Variants in SLC4A4 observed in about 807,000 individuals in gnomAD.
SLC4A4 encodes solute carrier family 4 member 4, also known as electrogenic sodium bicarbonate cotransporter 1.
SLC4A4 carries 27 observed loss-of-function variants against 111.5 expected under a neutral mutation model. The observed-to-expected ratio is 0.24, with a 90% confidence interval of 0.18 to 0.33. SLC4A4 has a LOEUF of 0.33. Among genes scored for constraint, SLC4A4 ranks in the 10% least tolerant of loss-of-function variants. The probability of loss-of-function intolerance (pLI) is 1.00; values close to 1 mark genes in which losing one functional copy is unlikely to be tolerated. For synonymous variants in SLC4A4, 443 were observed against 463.4 expected, an observed-to-expected ratio of 0.96 and a Z score of 0.57; for missense variants, 909 against 1,315.5, an observed-to-expected ratio of 0.69 and a Z score of 4.78.
chr4:71,342,276 T>C (rs1410612032), intron 4 of SLC4A4, among the ~76,000 whole-genome samples: 4 of 152,194 alleles, frequency 2.6e-5, no homozygotes, highest in Non-Finnish European at 5.9e-5. Flanking sequence ...TAAAACATCC[T>C]CCAAAAGAAG....
chr4:71,569,553 G>A lies in SLC4A4; in HGVS notation c.*1802G>A, dbSNP rs372914933. 6.6e-6 allele frequency: 1 copy of A among 151,500 alleles called. No homozygotes were observed. The highest frequency in any genetic ancestry group is 1.9e-4 in the East Asian group (1 of 5,144). The allele number at this position is 151,500 out of a possible 1,614,324, so 9.4% of individuals were successfully genotyped here. ...TTTTTAATATGATACATTACATATT[G>A]TGAATGTATACTAAAAAAACATTTT... On this transcript the variant is annotated 3_prime_UTR_variant, in exon 26 of 26. Transcript: ENST00000264485.
At chr4:71,152,837 A>G (rs1387242446) in intron 2 of SLC4A4, among the ~76,000 whole-genome samples, 1 of 151,632 alleles carries the variant, frequency 6.6e-6, no homozygotes, top group African/African-American at 2.4e-5. Flanking sequence ...TCTATACTGC[A>G]TAATACTCTC....
intron 1 of SLC4A4, among the ~76,000 whole-genome samples, chr4:71,230,142 A>C (rs1269858386): frequency 6.6e-6 from 1 of 152,220 alleles, no homozygotes; most frequent in Non-Finnish European, 1.5e-5. Context: ...ACATGATTTG[A>C]ATAGGGAATA....
At chr4:71,198,693 C>T (rs1327092269) in intron 1 of SLC4A4, among the ~76,000 whole-genome samples, 1 of 152,074 alleles carries the variant, frequency 6.6e-6, no homozygotes, top group Non-Finnish European at 1.5e-5. Context: ...AGGCTGGGTG[C>T]CTCATGCCTG....
At chr4:71,137,239 C>A (rs1578513932) in intron 2 of SLC4A4, among the ~76,000 whole-genome samples, 1 of 152,156 alleles carries the variant, frequency 6.6e-6, no homozygotes, top group Admixed American at 6.5e-5. Flanking sequence ...TAGAAGCCCT[C>A]ATCTTTCACC....
intron 2 of SLC4A4, among the ~76,000 whole-genome samples, chr4:71,243,568 G>T (rs927368102): frequency 6.6e-6 from 1 of 152,040 alleles, no homozygotes; most frequent in Admixed American, 6.6e-5. Flanking sequence ...TTGCATTTAG[G>T]TGACTGAGGT....
chr4:71,493,005 T>C (rs1730075698), intron 15 of SLC4A4, among the ~76,000 whole-genome samples: 1 of 151,990 alleles, frequency 6.6e-6, no homozygotes, highest in African/African-American at 2.4e-5. Context: ...GTTTTATTTA[T>C]CTTTATTGTA....
At chr4:71,473,275 G>A in intron 14 of SLC4A4, 1 of 601,614 alleles carries the variant, frequency 1.7e-6, no homozygotes, top group South Asian at 2.0e-5. Context: ...TATAAGTGGG[G>A]AAACCTGGAT....
chr4:71,438,494 C>T (rs1724373764), intron 7 of SLC4A4, among the ~76,000 whole-genome samples: 1 of 152,162 alleles, frequency 6.6e-6, no homozygotes, highest in Non-Finnish European at 1.5e-5. Context: ...ATTTGACAAA[C>T]TATGTCACTG....
At chr4:71,297,507 C>G (rs1724889142) in intron 3 of SLC4A4, among the ~76,000 whole-genome samples, 1 of 124,854 alleles carries the variant, frequency 8.0e-6, no homozygotes, top group Non-Finnish European at 1.6e-5. Flanking sequence ...CACACACAGA[C>G]AAACACACAC....
intron 8 of SLC4A4, among the ~76,000 whole-genome samples, chr4:71,443,112 C>CTATGTATA (rs1378888099): frequency 1.0e-5 from 1 of 97,674 alleles, no homozygotes; most frequent in Non-Finnish European, 1.9e-5. Context: ...CTCTCTCTCT[C>CTATGTATA]TCTCTATATA....
chr4:71,261,187 G>A (rs1306024551), intron 3 of SLC4A4, among the ~76,000 whole-genome samples: 1 of 152,212 alleles, frequency 6.6e-6, no homozygotes, highest in Non-Finnish European at 1.5e-5. Context: ...GCTGGCAGGT[G>A]AGAGGACCAA....
intron 2 of SLC4A4, among the ~76,000 whole-genome samples, chr4:71,098,164 C>T (rs1054857429): frequency 6.6e-5 from 10 of 152,086 alleles, no homozygotes; most frequent in African/African-American, 2.4e-4. Context: ...TTGTGTTTTA[C>T]ATTTAAGTTT....
At chr4:71,102,421 C>T (rs796325342) in intron 2 of SLC4A4, among the ~76,000 whole-genome samples, 12,654 of 150,714 alleles carry the variant, frequency 0.084, 633 homozygotes, top group South Asian at 0.14. Flanking sequence ...ATACAGAGAA[C>T]GCCACAAACA....
chr4:71,337,066 G>A lies in SLC4A4; in HGVS notation c.254-2304G>A, dbSNP rs1436949462. Among the ~76,000 whole-genome samples the A allele has an allele frequency of 2.6e-5, 4 of 152,264 alleles. No homozygotes were observed. In the East Asian group the frequency reaches 7.7e-4, roughly 29 times the overall value. ...AACAAACACGCAGTGATCAATCACT[G>A]ACATATTTTAAAGAAACACCCCATG... On this transcript the variant is annotated intron_variant, in intron 3 of 25. Coordinates refer to ENST00000264485, the MANE Select transcript of SLC4A4 (RefSeq NM_001098484.3).
At chr4:71,510,528 T>C (rs1204282084) in intron 16 of SLC4A4, among the ~76,000 whole-genome samples, 1 of 152,162 alleles carries the variant, frequency 6.6e-6, no homozygotes, top group Non-Finnish European at 1.5e-5. Flanking sequence ...TTACTTACAA[T>C]TTATTTTATC....
chr4:71,417,862 T>A (rs1048515812), intron 7 of SLC4A4, among the ~76,000 whole-genome samples: 3 of 152,208 alleles, frequency 2.0e-5, no homozygotes, highest in African/African-American at 7.2e-5. Flanking sequence ...CACCGTATAG[T>A]GAAGTGAATA....
chr4:71,246,520 T>C (rs766652618), intron 2 of SLC4A4, among the ~76,000 whole-genome samples: 41 of 152,106 alleles, frequency 2.7e-4, no homozygotes, highest in Non-Finnish European at 5.7e-4. Flanking sequence ...AAAGAAGACA[T>C]AAGACTGGCT....
At chr4:71,081,284 T>G (rs1214759399) in intron 1 of SLC4A4, among the ~76,000 whole-genome samples, 1 of 152,092 alleles carries the variant, frequency 6.6e-6, no homozygotes, top group Non-Finnish European at 1.5e-5. Context: ...CCCCACAAAT[T>G]GTTTTTCATT....
Sources: allele counts gnomAD v4.1 joint callset (sites outside exome capture counted in the v4.1 genomes callset), GRCh38; gene constraint gnomAD v4.1.1; transcripts MANE v1.5; gene names NCBI Gene and HGNC (gene_info 2026-07-23, HGNC 2026-07-21).